The following PRDM16 variants were observed in gnomAD, a reference collection of about 807,000 sequenced individuals.
The protein encoded by PRDM16 is PR/SET domain 16.
A neutral mutation model predicts 110.6 loss-of-function variants in PRDM16; 23 were observed. The observed-to-expected ratio is 0.21, with a 90% CI of 0.15 to 0.29. The LOEUF is 0.29. PRDM16 is among the 10% of genes least tolerant of loss of function. The probability of loss-of-function intolerance (pLI) is 1.00; values close to 1 mark genes in which losing one functional copy is unlikely to be tolerated. For missense variants in PRDM16, 1,615 were observed against 1,794.3 expected (o/e 0.90, Z 1.81); for synonymous variants, 799 against 781.8 (o/e 1.02, Z -0.37).
intron 3 of PRDM16, among the ~76,000 whole-genome samples, chr1:3,310,860 T>C (rs1462081631): frequency 6.6e-6 from 1 of 151,646 alleles, no homozygotes; most frequent in Non-Finnish European, 1.5e-5. Context: ...CACATATAAG[T>C]GTGTGTGCAT....
At chr1:3,172,877 G>T (rs561260888) in intron 1 of PRDM16, among the ~76,000 whole-genome samples, 5 of 152,226 alleles carry the variant, frequency 3.3e-5, no homozygotes, top group African/African-American at 1.2e-4. Context: ...TGAAGGCAGC[G>T]CACAGCATGA....
chr1:3,240,056 A>G (rs923281571), intron 2 of PRDM16, among the ~76,000 whole-genome samples: 2,027 of 103,316 alleles, frequency 0.02, 106 homozygotes, highest in African/African-American at 0.078. Context: ...AGGAGAGGAG[A>G]AGAGGAGAGG....
chr1:3,335,473 G>A (rs1182717842), intron 3 of PRDM16, among the ~76,000 whole-genome samples: 1 of 152,172 alleles, frequency 6.6e-6, no homozygotes, highest in Admixed American at 6.5e-5. Flanking sequence ...CCGAAAGCGT[G>A]CTCAACAGGA....
intron 1 of PRDM16, among the ~76,000 whole-genome samples, chr1:3,099,542 G>A (rs754701027): frequency 6.6e-6 from 1 of 152,236 alleles, no homozygotes; most frequent in Admixed American, 6.5e-5. Context: ...CCTGGGGACT[G>A]GCTGGTGCTG....
intron 5 of PRDM16, among the ~76,000 whole-genome samples, chr1:3,399,421 T>C (rs12117228): frequency 0.3 from 45,658 of 152,004 alleles, 7,338 homozygotes; most frequent in Non-Finnish European, 0.35. Flanking sequence ...GGCCCCTCCA[T>C]GAGCCCCAGG....
intron 3 of PRDM16, among the ~76,000 whole-genome samples, chr1:3,337,219 G>A (rs1642179054): frequency 6.6e-6 from 1 of 152,092 alleles, no homozygotes. Context: ...GTGTGTGAAT[G>A]CATACACGCA....
chr1:3,276,976 T>G (rs926391458), intron 3 of PRDM16, among the ~76,000 whole-genome samples: 2 of 151,822 alleles, frequency 1.3e-5, no homozygotes, highest in Non-Finnish European at 2.9e-5. Context: ...CCCCGTGGTG[T>G]TTGCCATCAC....
At chr1:3,415,166 A>T (rs1643758133) in intron 10 of PRDM16, among the ~76,000 whole-genome samples, 1 of 152,170 alleles carries the variant, frequency 6.6e-6, no homozygotes. Context: ...CAGTCCAGAC[A>T]GGTGGGTGCA....
chr1:3,194,563 G>GGCCACTGTCTCCCCACCACAC (rs1569818168), intron 2 of PRDM16, among the ~76,000 whole-genome samples: 3 of 150,194 alleles, frequency 2.0e-5, no homozygotes, highest in African/African-American at 7.5e-5. Context: ...TGCGGCAACT[G>GGCCACTGTCTCCCCACCACAC]GCCACTGTCT....
intron 1 of PRDM16, among the ~76,000 whole-genome samples, chr1:3,072,706 C>T (rs1039265692): frequency 5.3e-5 from 8 of 152,238 alleles, no homozygotes; most frequent in South Asian, 2.1e-4. Context: ...AGAGCCAGGA[C>T]GGCAGCCTTC....
At position 3,433,830 on chromosome 1, in the gene PRDM16, G is replaced by T; in HGVS notation, c.*19G>T. ...CCTCTGACGGGCTGGGCAGCCGGGG[G>T]CCGGTGGCCAGAGCGAGGGCACCAG... On this transcript the variant is annotated 3_prime_UTR_variant, in exon 17 of 17. Coordinates refer to ENST00000270722, the MANE Select transcript of PRDM16 (RefSeq NM_022114.4). The T allele has an allele frequency of 6.2e-7, 1 of 1,611,324 alleles. No individual in the cohort carries two copies.
intron 3 of PRDM16, among the ~76,000 whole-genome samples, chr1:3,259,374 G>A (rs1299579755): frequency 6.6e-6 from 1 of 152,218 alleles, no homozygotes; most frequent in African/African-American, 2.4e-5. Flanking sequence ...TGCAAAGTCA[G>A]GCCATATTGG....
intron 1 of PRDM16, among the ~76,000 whole-genome samples, chr1:3,114,191 A>ACACGCACGCG (rs1553127265): frequency 1.4e-3 from 189 of 131,796 alleles, no homozygotes; most frequent in Non-Finnish European, 2.6e-3. Flanking sequence ...ACACGCACAC[A>ACACGCACGCG]CGCACACGCA....
Position 3,412,729 on chromosome 1 carries a change from G to A in PRDM16, c.2532G>A (p.Pro844=), listed in dbSNP as rs755046777. The A allele has an allele frequency of 2.5e-5, 38 of 1,506,232 alleles. No individual in the cohort carries two copies. In the East Asian group the frequency reaches 3.7e-4, roughly 15 times the overall value. 93.3% of individuals were successfully genotyped at this position (1,506,232 alleles called of 1,614,324 possible). The part of the protein sequence containing the change: ...GAGEGLPQVC[P]ARMPQQPPLH... ...GCGAGGGGCTGCCCCAGGTGTGCCC[G>A]GCGCGGATGCCCCAGCAGCCCCCGC... Residue 844 remains proline, a synonymous_variant, in exon 9 of 17, where the codon CCG becomes CCA. Transcript: ENST00000270722.
chr1:3,328,066 G>A (rs1641956818), intron 3 of PRDM16, among the ~76,000 whole-genome samples: 1 of 152,210 alleles, frequency 6.6e-6, no homozygotes, highest in Non-Finnish European at 1.5e-5. Context: ...GACTCGGGCT[G>A]GGGCCTCCAG....
intron 3 of PRDM16, among the ~76,000 whole-genome samples, chr1:3,292,054 A>G (rs1379505852): frequency 6.6e-6 from 1 of 152,010 alleles, no homozygotes; most frequent in Non-Finnish European, 1.5e-5. Context: ...AGGAAGGTGC[A>G]TGGCCGCTTC....
chr1:3,223,876 CT>C (rs930015886), intron 2 of PRDM16, among the ~76,000 whole-genome samples: 9 of 152,212 alleles, frequency 5.9e-5, no homozygotes, highest in Admixed American at 3.9e-4. Context: ...CCTTTTTCAA[CT>C]TTAAACACCG....
chr1:3,171,210 G>A (rs1243708971), intron 1 of PRDM16, among the ~76,000 whole-genome samples: 1 of 152,244 alleles, frequency 6.6e-6, no homozygotes, highest in African/African-American at 2.4e-5. Context: ...CACAGGCCCA[G>A]TTGGTAGGAA....
rs1364315489 is a variant in PRDM16, at chr1:3,297,053, C to T, written c.438+52916C>T. Among the ~76,000 whole-genome samples the T allele has an allele frequency of 2.6e-5, 4 of 152,274 alleles. No homozygotes were observed. In the East Asian group the frequency reaches 5.8e-4, roughly 22 times the overall value. ...CTGAAAGTAAAAACCATAATGGCTG[C>T]GTGGGCCCTCAGTGTGCGGTTTCCA... On this transcript the variant is annotated intron_variant, in intron 3 of 16. Coordinates refer to ENST00000270722, the MANE Select transcript of PRDM16 (RefSeq NM_022114.4).
Sources: gnomAD v4.1 joint callset for allele counts (sites outside exome capture counted in the v4.1 genomes callset) on GRCh38, gnomAD v4.1.1 for gene constraint, MANE v1.5 for transcripts, NCBI Gene and HGNC (gene_info 2026-07-23, HGNC 2026-07-21) for gene names.